Variants in MYO6 observed in about 807,000 individuals in gnomAD.
MYO6 encodes the protein unconventional myosin-VI.
In MYO6, 74 loss-of-function variants were observed where a neutral mutation model predicts 178.7. The ratio of observed to expected loss-of-function variants is 0.41; its 90% CI spans 0.34 to 0.50. The LOEUF is 0.50. MYO6 is among the 20% of genes least tolerant of loss of function. The pLI is 0.09. For synonymous variants in MYO6, 477 were observed against 504.6 expected, an observed-to-expected ratio of 0.95 and a Z score of 0.73; for missense variants, 1,330 against 1,547.4, an observed-to-expected ratio of 0.86 and a Z score of 2.36.
intron 31 of MYO6, 93 bp from the exon 32 acceptor site, chr6:75,908,399 TAAAA>T (rs1193996667): frequency 8.3e-7 from 1 of 1,201,656 alleles, no homozygotes; most frequent in South Asian, 1.4e-5. Flanking sequence ...AATTTAAAAA[TAAAA>T]AAATCTCCTT....
At chr6:75,914,733 A>C in intron 34 of MYO6, 80 bp from the exon 35 acceptor site, 1 of 1,294,138 alleles carries the variant, frequency 7.7e-7, no homozygotes, top group Non-Finnish European at 1.1e-6. Context: ...ATGAGAATTA[A>C]TAGGTATTTC....
intron 20 of MYO6, among the ~76,000 whole-genome samples, chr6:75,877,019 G>T (rs913871967): frequency 1.3e-5 from 2 of 151,798 alleles, no homozygotes; most frequent in African/African-American, 4.8e-5. Context: ...TTGTTGCCTA[G>T]GCTGGAGTGC....
chr6:75,882,254 G>A (rs1387129760), intron 23 of MYO6, among the ~76,000 whole-genome samples: 1 of 152,094 alleles, frequency 6.6e-6, no homozygotes. Flanking sequence ...TCCAAATACT[G>A]TACATTCCTT....
chr6:75,755,607 T>G (rs1777280159), intron 1 of MYO6, among the ~76,000 whole-genome samples: 1 of 152,198 alleles, frequency 6.6e-6, no homozygotes. Flanking sequence ...AAAAATGTTC[T>G]GGGGGAATTT....
chr6:75,769,879 T>C (rs1481043189), intron 1 of MYO6, among the ~76,000 whole-genome samples: 1 of 151,966 alleles, frequency 6.6e-6, no homozygotes, highest in East Asian at 1.9e-4. Context: ...TGGCCTGGGC[T>C]ACACGGTGAG....
At chr6:75,837,253 G>T (rs1294521871) in intron 7 of MYO6, among the ~76,000 whole-genome samples, 1 of 152,172 alleles carries the variant, frequency 6.6e-6, no homozygotes, top group East Asian at 1.9e-4. Flanking sequence ...GAATGAATTA[G>T]AAACTATTTT....
At chr6:75,799,551 C>A (rs9443192) in intron 1 of MYO6, among the ~76,000 whole-genome samples, 8,577 of 152,028 alleles carry the variant, frequency 0.056, 542 homozygotes, top group African/African-American at 0.15. Flanking sequence ...TTAGCTCTAG[C>A]GAGTCAATAA....
At position 75,830,510 on chromosome 6, in the gene MYO6, C is replaced by G. The variant is rs1562219770; in HGVS notation, c.356C>G (p.Ser119Cys). 6.2e-7 allele frequency: 1 copy of G among 1,612,238 alleles called. No individual in the cohort carries two copies. The highest frequency in any genetic ancestry group is 8.5e-7 in the Non-Finnish European group (1 of 1,178,656). ...SEAIKSYQGK[S>C]LGTRPPHVFA... ...GCAATAAAGTCATATCAAGGAAAAT[C>G]TCTTGGGACAAGACCACCTCATGTC... is the stretch of plus-strand genomic sequence containing the variant. The change falls in exon 5 of 35, where the codon TCT becomes TGT. Residue 119 changes from serine (S) to cysteine (C), a missense_variant. Physicochemically the swap from Ser to Cys is moderately radical, Grantham distance 112. This residue lies in a region of MYO6 where 613 missense variants were observed against 816.8 expected (regional missense o/e 0.75). Transcript: ENST00000369977.
rs1781166295 is a variant in MYO6, at chr6:75,917,201, A to G, written c.*2189A>G. On this transcript the variant is annotated 3_prime_UTR_variant, in exon 35 of 35. Coordinates refer to ENST00000369977, the MANE Select transcript of MYO6 (RefSeq NM_004999.4). Reference sequence around the variant, plus strand: ...GTTCACAGTCAAGCCCATGCATGCCAGGTTAAAACTGTGGAAATCAAAAGT... The same window carrying G: ...GTTCACAGTCAAGCCCATGCATGCCGGGTTAAAACTGTGGAAATCAAAAGT... 1 of 152,690 alleles carries G rather than the reference A, an allele frequency of 6.5e-6. No individual in the cohort carries two copies. Among genetic ancestry groups the G allele is most frequent in the African/African-American group, 2.4e-5 (1 of 41,472 alleles). 9.5% of individuals were successfully genotyped at this position (152,690 alleles called of 1,614,324 possible). A position where few individuals can be genotyped will look rare whatever the true frequency, so the allele number is the denominator to read the frequency against.
intron 5 of MYO6, among the ~76,000 whole-genome samples, chr6:75,831,001 T>G (rs1008275467): frequency 3.3e-5 from 5 of 152,166 alleles, no homozygotes; most frequent in Admixed American, 1.3e-4. Flanking sequence ...CTGGGCATCA[T>G]CTTGCATCAG....
At chr6:75,877,959 A>G (rs1415173396) in intron 20 of MYO6, among the ~76,000 whole-genome samples, 1 of 152,202 alleles carries the variant, frequency 6.6e-6, no homozygotes, top group African/African-American at 2.4e-5. Flanking sequence ...TTCCAAAGGT[A>G]CTTGTTTATT....
In MYO6 at chr6:75,919,057, T is replaced by G. The variant is rs1327384374; in HGVS notation, c.*4045T>G. On this transcript the variant is annotated 3_prime_UTR_variant, in exon 35 of 35. Transcript: ENST00000369977. ...TCACTTGAACGCGGGAGGCAGAGGT[T>G]GCAGGGAGCCGAGATGGCGCCATTG... 1 of 152,172 alleles carries G rather than the reference T, an allele frequency of 6.6e-6. No individual in the cohort carries two copies. Among genetic ancestry groups the G allele is most frequent in the Non-Finnish European group, 1.5e-5 (1 of 68,168 alleles). The allele number at this position is 152,172 out of a possible 1,614,324, so 9.4% of individuals were successfully genotyped here. A position where few individuals can be genotyped will look rare whatever the true frequency, so the allele number is the denominator to read the frequency against.
intron 1 of MYO6, among the ~76,000 whole-genome samples, chr6:75,813,200 C>CT (rs143758209): frequency 6.6e-6 from 1 of 152,248 alleles, no homozygotes; most frequent in African/African-American, 2.4e-5. Flanking sequence ...CCTTAGAAAT[C>CT]TATCTGCTGC....
chr6:75,811,989 G>C (rs1409119114), intron 1 of MYO6, among the ~76,000 whole-genome samples: 1 of 151,980 alleles, frequency 6.6e-6, no homozygotes, highest in Non-Finnish European at 1.5e-5. Context: ...GTGGAGCTGA[G>C]TTTCAAGCCT....
chr6:75,761,592 A>AACACAC (rs3057486), intron 1 of MYO6, among the ~76,000 whole-genome samples: 11,982 of 142,918 alleles, frequency 0.084, 654 homozygotes, highest in African/African-American at 0.16. Flanking sequence ...GGGCTGTTAG[A>AACACAC]ACACACACAC....
At chr6:75,892,474 G>C in intron 27 of MYO6, 56 bp from the exon 28 acceptor site, 2 of 1,609,698 alleles carry the variant, frequency 1.2e-6, no homozygotes, top group South Asian at 2.2e-5. Context: ...AATAAGGGGA[G>C]TGATCAAGTA....
intron 18 of MYO6, among the ~76,000 whole-genome samples, chr6:75,870,187 C>T (rs969570223): frequency 2.0e-5 from 3 of 151,926 alleles, no homozygotes; most frequent in African/African-American, 7.3e-5. Flanking sequence ...ACTAAGTGTT[C>T]CATAAAACAA....
chr6:75,775,721 A>T (rs1766314869), intron 1 of MYO6, among the ~76,000 whole-genome samples: 1 of 152,148 alleles, frequency 6.6e-6, no homozygotes, highest in African/African-American at 2.4e-5. Context: ...TTATTGTTTA[A>T]CAATTCTGAT....
chr6:75,887,217 C>A (rs1778504707), intron 25 of MYO6, among the ~76,000 whole-genome samples: 1 of 152,198 alleles, frequency 6.6e-6, no homozygotes, highest in African/African-American at 2.4e-5. Flanking sequence ...GCCATTTCTT[C>A]TGTTGCTAAG....
Sources: gnomAD v4.1 joint callset for allele counts (sites outside exome capture counted in the v4.1 genomes callset) on GRCh38, gnomAD v4.1.1 for gene constraint, gnomAD v4.1.1 regional missense constraint, MANE v1.5 for transcripts, NCBI Gene and HGNC (gene_info 2026-07-23, HGNC 2026-07-21) for gene names.